Variants in DNAH14 observed in about 807,000 individuals in gnomAD.
The protein encoded by DNAH14 is dynein axonemal heavy chain 14.
In DNAH14, 478 loss-of-function variants were observed where a neutral mutation model predicts 520.9. That is an observed-to-expected ratio of 0.92 (90% CI 0.85 to 0.99). The LOEUF is 0.99. Ranked by LOEUF, DNAH14 falls within the 50% of genes least tolerant of loss-of-function variation. The pLI is 0.00. For missense variants in DNAH14, 4,831 were observed against 5,234.5 expected, an observed-to-expected ratio of 0.92 and a Z score of 2.38; for synonymous variants, 1,581 against 1,757.2, an observed-to-expected ratio of 0.90 and a Z score of 2.51.
At chr1:225,003,546 G>A (rs192329580) in intron 9 of DNAH14, among the ~76,000 whole-genome samples, 14 of 152,108 alleles carry the variant, frequency 9.2e-5, no homozygotes, top group Admixed American at 7.2e-4. Context: ...AAATTAGCTC[G>A]AAAATCAGTT....
chr1:225,360,743 G>A lies in DNAH14; in HGVS notation c.11839G>A (p.Val3947Met), dbSNP rs1194639712. Residue 3947 changes from valine (V) to methionine (M), a missense_variant, in exon 75 of 86, where the codon GTG becomes ATG. Coordinates refer to ENST00000682510, the MANE Select transcript of DNAH14 (RefSeq NM_001367479.1). The part of the protein sequence containing the change: ...AQELKGTTHH[V>M]TIISLGRDQA... ...AGAGTTAAAAGGAACAACACATCAT[G>A]TGACCATAATTTCTCTGGGCCGTGA... 6.4e-7 allele frequency: 1 copy of A among 1,551,716 alleles called. No homozygotes were observed. The highest frequency in any genetic ancestry group is 8.7e-7 in the Non-Finnish European group (1 of 1,146,990).
At chr1:225,305,633 C>T (rs573845578) in intron 58 of DNAH14, among the ~76,000 whole-genome samples, 2 of 152,246 alleles carry the variant, frequency 1.3e-5, no homozygotes, top group East Asian at 3.9e-4. Flanking sequence ...CATCTACTCA[C>T]AAGTGCCCCA....
At chr1:225,059,461 G>T (rs530018447) in intron 17 of DNAH14, among the ~76,000 whole-genome samples, 9 of 152,228 alleles carry the variant, frequency 5.9e-5, no homozygotes, top group African/African-American at 2.2e-4. Flanking sequence ...GCACACTGAT[G>T]GGTCTTGACT....
At chr1:225,104,108 A>G (rs1004133928) in intron 23 of DNAH14, among the ~76,000 whole-genome samples, 2 of 152,102 alleles carry the variant, frequency 1.3e-5, no homozygotes, top group Non-Finnish European at 2.9e-5. Context: ...AGCGTTGTTG[A>G]ATTTTGTCAA....
chr1:225,210,207 G>T (rs1288433068), intron 41 of DNAH14, among the ~76,000 whole-genome samples: 1 of 152,068 alleles, frequency 6.6e-6, no homozygotes, highest in East Asian at 1.9e-4. Flanking sequence ...AAGCCACGTG[G>T]TCTAGTTCAG....
intron 81 of DNAH14, among the ~76,000 whole-genome samples, chr1:225,382,003 C>A (rs1304142679): frequency 1.3e-5 from 2 of 152,204 alleles, no homozygotes; most frequent in Non-Finnish European, 2.9e-5. Flanking sequence ...CATGGAAGAT[C>A]TGGCAGCACA....
intron 41 of DNAH14, among the ~76,000 whole-genome samples, chr1:225,208,758 T>C (rs1434839989): frequency 6.6e-6 from 1 of 152,174 alleles, no homozygotes; most frequent in African/African-American, 2.4e-5. Flanking sequence ...CCTACACCTC[T>C]TGGATGTTCT....
intron 7 of DNAH14, among the ~76,000 whole-genome samples, chr1:224,972,687 G>A (rs2061572363): frequency 6.6e-6 from 1 of 152,008 alleles, no homozygotes; most frequent in South Asian, 2.1e-4. Flanking sequence ...GGATGGTCTC[G>A]ATCTCCTGAC....
In DNAH14 at chr1:225,290,103, C is replaced by T. The variant is rs566487571; in HGVS notation, c.8469+21C>T. On this transcript the variant is annotated intron_variant, in intron 55 of 85. Transcript: ENST00000682510. ...AACAAGTAAGTACTTTTTGTCTTTG[C>T]TATTTGCTGAAGTTTGATATCTATG... 4.4e-6 allele frequency: 6 copies of T among 1,352,280 alleles called. No individual in the cohort carries two copies. In the Admixed American group the frequency reaches 9.8e-5, roughly 22 times the overall value. 83.8% of individuals were successfully genotyped at this position (1,352,280 alleles called of 1,614,324 possible).
chr1:225,103,290 T>C (rs2148750894), intron 23 of DNAH14, among the ~76,000 whole-genome samples: 1 of 152,346 alleles, frequency 6.6e-6, no homozygotes, highest in Admixed American at 6.5e-5. Context: ...TTGGTTACTA[T>C]AGCCTTGTAG....
chr1:225,192,819 A>G lies in DNAH14; in HGVS notation c.5794A>G (p.Thr1932Ala), dbSNP rs2085612996. 1.3e-6 allele frequency: 2 copies of G among 1,550,270 alleles called. No individual in the cohort carries two copies. Among genetic ancestry groups the G allele is most frequent in the Admixed American group, 2.0e-5 (1 of 50,942 alleles). ...ATGGACTGATGGATTATTATCAGCAACAATTCGAAGTTATGTATATTTTAA... is the reference window on the plus strand; with the variant it reads ...ATGGACTGATGGATTATTATCAGCAGCAATTCGAAGTTATGTATATTTTAA... The part of the protein sequence containing the change: ...MEWTDGLLSA[T>A]IRSYVYFNTP... The change falls in exon 38 of 86, where the codon ACA becomes GCA. Residue 1932 changes from threonine (T) to alanine (A), a missense_variant. Transcript: ENST00000682510.
chr1:225,113,624 A>G (rs114626770), intron 23 of DNAH14, among the ~76,000 whole-genome samples: 67 of 152,294 alleles, frequency 4.4e-4, no homozygotes, highest in South Asian at 8.3e-4. Context: ...GGGAACCAGT[A>G]TCTATAGTCA....
At chr1:225,378,731 A>C (rs988042446) in intron 79 of DNAH14, among the ~76,000 whole-genome samples, 1 of 151,846 alleles carries the variant, frequency 6.6e-6, no homozygotes, top group Non-Finnish European at 1.5e-5. Flanking sequence ...AAATACAAAA[A>C]ATTAGCCAGC....
chr1:225,145,712 C>A (rs2079869287), intron 30 of DNAH14, among the ~76,000 whole-genome samples: 1 of 152,118 alleles, frequency 6.6e-6, no homozygotes, highest in African/African-American at 2.4e-5. Context: ...TATTAACATA[C>A]ATTTATTTTA....
intron 54 of DNAH14, among the ~76,000 whole-genome samples, chr1:225,287,109 G>T (rs1036094729): frequency 6.6e-6 from 1 of 152,092 alleles, no homozygotes; most frequent in Non-Finnish European, 1.5e-5. Context: ...TTTTAGGATG[G>T]TAAAAATTCT....
intron 8 of DNAH14, among the ~76,000 whole-genome samples, chr1:224,999,077 A>G (rs1022743676): frequency 2.6e-5 from 4 of 151,770 alleles, no homozygotes; most frequent in South Asian, 2.1e-4. Context: ...TATAGCCACT[A>G]TGTTTTCTTT....
chr1:225,366,745 G>T (rs1391131187), intron 76 of DNAH14, among the ~76,000 whole-genome samples: 1 of 152,016 alleles, frequency 6.6e-6, no homozygotes. Flanking sequence ...CCTTCTCAGG[G>T]TGATAAAACT....
In DNAH14 at chr1:225,308,338, A is replaced by G; in HGVS notation, c.9168A>G (p.Lys3056=). ...KLRKDSQVVE[K]VQMLVKQDEE... Reference sequence around the variant, plus strand: ...GGAAAGATTCACAAGTAGTTGAGAAAGTTCAGATGCTTGTTAAACAGGATG... The same window carrying G: ...GGAAAGATTCACAAGTAGTTGAGAAGGTTCAGATGCTTGTTAAACAGGATG... The change falls in exon 60 of 86, where the codon AAA becomes AAG. Residue 3056 remains lysine (K), a synonymous_variant. Coordinates refer to ENST00000682510, the MANE Select transcript of DNAH14 (RefSeq NM_001367479.1). 1 of 1,544,202 alleles carries G rather than the reference A, an allele frequency of 6.5e-7. No individual in the cohort carries two copies. Among genetic ancestry groups the G allele is most frequent in the Non-Finnish European group, 8.7e-7 (1 of 1,144,882 alleles).
intron 41 of DNAH14, among the ~76,000 whole-genome samples, chr1:225,209,291 T>C (rs922883751): frequency 6.6e-6 from 1 of 152,200 alleles, no homozygotes; most frequent in African/African-American, 2.4e-5. Context: ...TGAGTCAATA[T>C]TGACCTAGAT....
Sources: allele counts gnomAD v4.1 joint callset (sites outside exome capture counted in the v4.1 genomes callset), GRCh38; gene constraint gnomAD v4.1.1; transcripts MANE v1.5; gene names NCBI Gene and HGNC (gene_info 2026-07-23, HGNC 2026-07-21).